ARFIP1: variants seen among roughly 807,000 people sequenced by gnomAD.
ARFIP1 encodes ARF interacting protein 1.
ARFIP1 carries 24 observed loss-of-function variants against 42.5 expected under a neutral mutation model. The ratio of observed to expected loss-of-function variants is 0.57; its 90% CI spans 0.41 to 0.80. The LOEUF (loss-of-function observed/expected upper bound fraction) is 0.80. Among genes scored for constraint, ARFIP1 ranks in the 30% least tolerant of loss-of-function variants. The pLI is 0.00. For synonymous variants in ARFIP1, 141 were observed against 153.7 expected (o/e 0.92, Z 0.61); for missense variants, 354 against 434.0 (o/e 0.82, Z 1.64).
chr4:152,843,508 A>G (rs559176100), intron 2 of ARFIP1, among the ~76,000 whole-genome samples: 34 of 148,052 alleles, frequency 2.3e-4, no homozygotes, highest in Non-Finnish European at 4.5e-4. Context: ...GTCTTCAGCT[A>G]CCAGGGTGGG....
intron 4 of ARFIP1, among the ~76,000 whole-genome samples, chr4:152,871,409 T>G (rs1734871996): frequency 6.6e-6 from 1 of 152,202 alleles, no homozygotes; most frequent in Admixed American, 6.5e-5. Flanking sequence ...GTTACTGGAC[T>G]ATAAAAATGG....
chr4:152,854,452 T>C (rs1733257673), intron 2 of ARFIP1, among the ~76,000 whole-genome samples: 1 of 152,196 alleles, frequency 6.6e-6, no homozygotes. Flanking sequence ...GAATTCTTTT[T>C]CCAAGGTTTC....
chr4:152,790,845 A>T (rs1731108701), intron 1 of ARFIP1, among the ~76,000 whole-genome samples: 1 of 145,798 alleles, frequency 6.9e-6, no homozygotes, highest in African/African-American at 2.6e-5. Context: ...CGATCCTCCT[A>T]CCTCAGCTTC....
chr4:152,892,883 A>G (rs1736983229), intron 8 of ARFIP1, among the ~76,000 whole-genome samples: 1 of 152,200 alleles, frequency 6.6e-6, no homozygotes, highest in Non-Finnish European at 1.5e-5. Flanking sequence ...GTAGCAGTAA[A>G]GACATAGCTC....
intron 7 of ARFIP1, among the ~76,000 whole-genome samples, chr4:152,886,051 T>G (rs1183815038): frequency 6.6e-6 from 1 of 152,044 alleles, no homozygotes; most frequent in African/African-American, 2.4e-5. Flanking sequence ...AACCCATGGA[T>G]TTAACTAACT....
chr4:152,809,908 ATCT>A (rs1428618391), intron 1 of ARFIP1, among the ~76,000 whole-genome samples: 2 of 152,210 alleles, frequency 1.3e-5, no homozygotes, highest in East Asian at 1.9e-4. Flanking sequence ...CTCAGCTTTG[ATCT>A]TCTCCTTTAA....
intron 1 of ARFIP1, among the ~76,000 whole-genome samples, chr4:152,808,967 G>A (rs564364379): frequency 2.0e-5 from 3 of 152,198 alleles, no homozygotes; most frequent in African/African-American, 4.8e-5. Context: ...CAGGAGAATG[G>A]CTTGAACCTG....
intron 2 of ARFIP1, among the ~76,000 whole-genome samples, chr4:152,839,644 T>C (rs1256981945): frequency 6.6e-6 from 1 of 152,204 alleles, no homozygotes; most frequent in Non-Finnish European, 1.5e-5. Context: ...TTCATTTCTT[T>C]GTGAGGTTAT....
intron 2 of ARFIP1, among the ~76,000 whole-genome samples, chr4:152,835,819 G>A (rs550646406): frequency 3.3e-5 from 5 of 152,190 alleles, no homozygotes; most frequent in Non-Finnish European, 5.9e-5. Flanking sequence ...AGGAAGCGTG[G>A]TACCAACATC....
chr4:152,866,014 C>G (rs1305093678), intron 3 of ARFIP1, among the ~76,000 whole-genome samples: 1 of 151,884 alleles, frequency 6.6e-6, no homozygotes, highest in African/African-American at 2.4e-5. Context: ...GAGGACCCTG[C>G]GGCCTTCCGC....
chr4:152,854,340 CT>C (rs1213131513), intron 2 of ARFIP1, among the ~76,000 whole-genome samples: 3 of 152,106 alleles, frequency 2.0e-5, no homozygotes, highest in Non-Finnish European at 2.9e-5. Flanking sequence ...TGATCTTTAT[CT>C]CTTTGGTAAA....
chr4:152,863,560 TG>T, intron 2 of ARFIP1, 45 bp from the exon 3 acceptor site: 1 of 1,085,734 alleles, frequency 9.2e-7, no homozygotes, highest in Non-Finnish European at 1.4e-6. Flanking sequence ...TTACGTCATG[TG>T]GGATTTTTTT....
At chr4:152,796,753 C>T in intron 1 of ARFIP1, 1 of 752,800 alleles carries the variant, frequency 1.3e-6, no homozygotes, top group Non-Finnish European at 2.4e-6. Context: ...AGCTTCTCGA[C>T]TTTCCTTCTT....
intron 2 of ARFIP1, among the ~76,000 whole-genome samples, chr4:152,847,837 G>T (rs1206293639): frequency 6.6e-6 from 1 of 152,148 alleles, no homozygotes; most frequent in Admixed American, 6.5e-5. Context: ...TAAAGACATT[G>T]CCTCCTTAGA....
intron 1 of ARFIP1, among the ~76,000 whole-genome samples, chr4:152,800,437 G>T (rs1045347342): frequency 5.9e-5 from 9 of 152,160 alleles, no homozygotes; most frequent in Non-Finnish European, 1.0e-4. Context: ...TTAAGGAGCA[G>T]AGCTATGATT....
chr4:152,906,410 T>A (rs1738365015), intron 8 of ARFIP1, among the ~76,000 whole-genome samples: 1 of 152,242 alleles, frequency 6.6e-6, no homozygotes. Context: ...ACTTCATTCT[T>A]TCAGTTGCTT....
intron 1 of ARFIP1, among the ~76,000 whole-genome samples, chr4:152,798,587 T>C (rs1340413700): frequency 1.3e-5 from 2 of 152,204 alleles, no homozygotes; most frequent in Non-Finnish European, 2.9e-5. Context: ...TAAATGCCAT[T>C]TGGCCATGTT....
At chr4:152,813,454 TC>T (rs554935628) in intron 1 of ARFIP1, among the ~76,000 whole-genome samples, 5 of 152,190 alleles carry the variant, frequency 3.3e-5, no homozygotes, top group Non-Finnish European at 5.9e-5. Context: ...CCTCCTCTTT[TC>T]CTGCCTTTTC....
chr4:152,890,471 T>C (rs980327701), intron 8 of ARFIP1, among the ~76,000 whole-genome samples: 6 of 152,138 alleles, frequency 3.9e-5, no homozygotes, highest in African/African-American at 1.4e-4. Context: ...CTTTCTTTCT[T>C]AAGGGAAGAA....
Sources: gnomAD v4.1 joint callset for allele counts (sites outside exome capture counted in the v4.1 genomes callset) on GRCh38, gnomAD v4.1.1 for gene constraint, MANE v1.5 for transcripts, NCBI Gene and HGNC (gene_info 2026-07-23, HGNC 2026-07-21) for gene names.